PDXDC1: variants seen among roughly 807,000 people sequenced by gnomAD.
PDXDC1 encodes pyridoxal dependent decarboxylase domain containing 1.
PDXDC1 carries 42 observed loss-of-function variants against 100.1 expected under a neutral mutation model. The observed-to-expected ratio is 0.42, with a 90% CI of 0.33 to 0.54. The LOEUF (loss-of-function observed/expected upper bound fraction) is 0.54. Ranked by LOEUF, PDXDC1 falls within the 20% of genes least tolerant of loss-of-function variation. The pLI is 0.10. For synonymous variants in PDXDC1, 260 were observed against 371.7 expected, an observed-to-expected ratio of 0.70 and a Z score of 3.46; for missense variants, 636 against 979.2, an observed-to-expected ratio of 0.65 and a Z score of 4.68.
chr16:15,073,046 A>G (rs539811347), intron 16 of PDXDC1: 2 of 1,612,832 alleles, frequency 1.2e-6, no homozygotes, highest in Admixed American at 3.4e-5. Flanking sequence ...TCAGGTCGCG[A>G]TATAGATCCT....
chr16:15,042,604 C>T (rs1357215282), downstream of PDXDC1, among the ~76,000 whole-genome samples: 3 of 152,170 alleles, frequency 2.0e-5, no homozygotes, highest in East Asian at 5.8e-4. Flanking sequence ...CACCAGATTT[C>T]CTGTTATAAG....
At chr16:15,055,265 C>A (rs538644575) in intron 16 of PDXDC1, among the ~76,000 whole-genome samples, 7 of 152,312 alleles carry the variant, frequency 4.6e-5, no homozygotes, top group African/African-American at 1.4e-4. Context: ...TATTTGAGCA[C>A]AAAAGCAGAA....
chr16:15,085,695 C>T (rs752997152), intron 16 of PDXDC1: 45 of 1,613,084 alleles, frequency 2.8e-5, no homozygotes, highest in African/African-American at 6.7e-5. Context: ...AATGATCACT[C>T]GGGCTTTTGA....
intron 16 of PDXDC1, among the ~76,000 whole-genome samples, chr16:15,088,312 G>T (rs1022961302): frequency 6.6e-6 from 1 of 152,068 alleles, no homozygotes; most frequent in Non-Finnish European, 1.5e-5. Context: ...CTCATCTCCA[G>T]AAAAATTAGC....
intron 8 of PDXDC1, among the ~76,000 whole-genome samples, chr16:15,015,057 C>T (rs1184092403): frequency 7.2e-5 from 11 of 152,258 alleles, no homozygotes; most frequent in Admixed American, 7.2e-4. Flanking sequence ...CCCGCCTCGG[C>T]CCCGCGAGTA....
chr16:15,078,812 C>T (rs9939374), intron 16 of PDXDC1, among the ~76,000 whole-genome samples: 1,346 of 117,622 alleles, frequency 0.011, 24 homozygotes, highest in African/African-American at 0.035. Context: ...GTATTTTTTT[C>T]TTTTTTTTTT....
At chr16:15,111,086 C>A (rs2047032429) in intron 16 of PDXDC1, among the ~76,000 whole-genome samples, 1 of 148,252 alleles carries the variant, frequency 6.7e-6, no homozygotes, top group African/African-American at 2.4e-5. Flanking sequence ...GGAGATCACA[C>A]CACTGCACTC....
rs566336045 is a variant in PDXDC1 at position 15,115,004 on chromosome 16, C to T, written c.1400-23875C>T. Reference sequence around the variant, plus strand: ...AGGCTGGAGTGCAGTGGTGCAATCTCGGCTCGCTACAACCTCCAGCTCCTG... The same window carrying T: ...AGGCTGGAGTGCAGTGGTGCAATCTTGGCTCGCTACAACCTCCAGCTCCTG... On this transcript the variant is annotated intron_variant, in intron 16 of 16. Coordinates refer to the PDXDC1 transcript ENST00000535621. Among the ~76,000 whole-genome samples, 214 of 143,674 alleles carry T rather than the reference C, an allele frequency of 1.5e-3. 3 individuals are homozygous for T. The highest frequency in any genetic ancestry group is 2.1e-3 in the African/African-American group (82 of 38,638). 94.3% of individuals were successfully genotyped at this position (143,674 alleles called of 152,430 possible).
intron 16 of PDXDC1, chr16:15,125,468 C>T: frequency 3.3e-6 from 3 of 897,370 alleles, no homozygotes; most frequent in Admixed American, 1.7e-5. Context: ...AGACACCCAG[C>T]AAGGACACGC....
chr16:15,136,776 T>C, intron 16 of PDXDC1: 1 of 1,575,164 alleles, frequency 6.3e-7, no homozygotes. Context: ...AATGAGGGTG[T>C]CAACGGTCAG....
intron 6 of PDXDC1, among the ~76,000 whole-genome samples, chr16:15,007,112 T>G (rs1196225737): frequency 6.6e-6 from 1 of 151,702 alleles, no homozygotes; most frequent in African/African-American, 2.4e-5. Context: ...GGTCCTCAGA[T>G]GGATTTTCAG....
chr16:15,106,608 A>G (rs1227280758), intron 16 of PDXDC1, among the ~76,000 whole-genome samples: 1 of 149,496 alleles, frequency 6.7e-6, no homozygotes, highest in Non-Finnish European at 1.5e-5. Context: ...ACAAAAAATT[A>G]GGCGGGCGTG....
chr16:15,031,322 C>A (rs1329931363), intron 16 of PDXDC1, among the ~76,000 whole-genome samples: 1 of 152,122 alleles, frequency 6.6e-6, no homozygotes, highest in African/African-American at 2.4e-5. Context: ...CTGTCACCAT[C>A]TCCCTGTCCT....
intron 1 of PDXDC1, among the ~76,000 whole-genome samples, chr16:14,993,835 C>T (rs1352596398): frequency 8.5e-5 from 13 of 152,302 alleles, no homozygotes; most frequent in South Asian, 4.1e-4. Context: ...GATTGCCATT[C>T]TAACTGGTGT....
chr16:15,122,185 A>G (rs1357777860), intron 16 of PDXDC1, among the ~76,000 whole-genome samples: 1 of 152,014 alleles, frequency 6.6e-6, no homozygotes, highest in African/African-American at 2.4e-5. Flanking sequence ...AACAAACAAA[A>G]AAGTCATCAA....
chr16:15,091,096 A>G (rs2046114686), intron 16 of PDXDC1, among the ~76,000 whole-genome samples: 1 of 152,230 alleles, frequency 6.6e-6, no homozygotes, highest in Admixed American at 6.5e-5. Flanking sequence ...ACTAGATGCC[A>G]GTAGCACCCT....
At chr16:15,127,052 T>C (rs1272619104) in intron 16 of PDXDC1, 2 of 349,924 alleles carry the variant, frequency 5.7e-6, no homozygotes, top group East Asian at 7.5e-5. Context: ...CCTCCTGAAG[T>C]GTTGGGATTA....
downstream of PDXDC1, among the ~76,000 whole-genome samples, chr16:15,140,079 T>G (rs1263599535): frequency 9.0e-5 from 9 of 100,234 alleles, no homozygotes; most frequent in Non-Finnish European, 1.4e-4. Flanking sequence ...CCTGGTGACA[T>G]AGCGAGACTC....
intron 16 of PDXDC1, among the ~76,000 whole-genome samples, chr16:15,129,412 C>G (rs1309212414): frequency 2.0e-5 from 3 of 152,108 alleles, no homozygotes; most frequent in South Asian, 2.1e-4. Flanking sequence ...GCACTCCAGC[C>G]TGGGCAACAG....
Sources: allele counts gnomAD v4.1 joint callset (sites outside exome capture counted in the v4.1 genomes callset), GRCh38; gene constraint gnomAD v4.1.1; transcripts MANE v1.5; gene names NCBI Gene and HGNC (gene_info 2026-07-23, HGNC 2026-07-21).